The following RAB6B variants were observed in gnomAD, a reference collection of about 807,000 sequenced individuals.
RAB6B encodes ras-related protein Rab-6B.
Under a neutral mutation model 31.2 loss-of-function variants are expected in RAB6B, and 7 were observed. That is an observed-to-expected ratio of 0.22 (90% CI 0.13 to 0.42). The LOEUF is 0.42. Among genes scored for constraint, RAB6B ranks in the 10% least tolerant of loss-of-function variants. The probability of loss-of-function intolerance (pLI) is 1.00; values close to 1 mark genes in which losing one functional copy is unlikely to be tolerated. For missense variants in RAB6B, 149 were observed against 280.6 expected (o/e 0.53, Z 3.35); for synonymous variants, 105 against 104.9 (o/e 1.00, Z -0.01).
In RAB6B at chr3:133,825,259, TTTA is replaced by T. The variant is rs1431556376; in HGVS notation, c.*3526_*3528del. On this transcript the variant is annotated 3_prime_UTR_variant, in exon 8 of 8. Transcript: ENST00000285208. ...ATGCTGAAGCCAGGAGGGCCATCCC[TTTA>T]TTGTCACAACTGGTATCCCAGGGCA... is the stretch of plus-strand genomic sequence containing the variant. 1 of 152,188 alleles carries T rather than the reference TTTA, an allele frequency of 6.6e-6. No individual in the cohort carries two copies. The highest frequency in any genetic ancestry group is 2.4e-5 in the African/African-American group (1 of 41,444). The allele number at this position is 152,188 out of a possible 1,614,324, so 9.4% of individuals were successfully genotyped here. A position where few individuals can be genotyped will look rare whatever the true frequency, so the allele number is the denominator to read the frequency against.
intron 7 of RAB6B, among the ~76,000 whole-genome samples, chr3:133,829,631 T>C (rs1222250940): frequency 1.3e-5 from 2 of 151,944 alleles, no homozygotes; most frequent in Admixed American, 1.3e-4. Flanking sequence ...AAGACAGGGG[T>C]GTGTGGGGTG....
chr3:133,869,103 C>T (rs1209222842), intron 1 of RAB6B, among the ~76,000 whole-genome samples: 1 of 152,050 alleles, frequency 6.6e-6, no homozygotes, highest in African/African-American at 2.4e-5. Flanking sequence ...CTGGGAAAGG[C>T]TGTGGGTGGG....
chr3:133,850,775 AC>A (rs756906705), intron 2 of RAB6B, among the ~76,000 whole-genome samples: 10 of 152,160 alleles, frequency 6.6e-5, no homozygotes, highest in Non-Finnish European at 1.2e-4. Context: ...GCAAAATGAG[AC>A]ACATTTACAG....
At chr3:133,828,906 C>T (rs749591613) in intron 7 of RAB6B, 54 bp from the exon 8 acceptor site, 3 of 1,486,662 alleles carry the variant, frequency 2.0e-6, no homozygotes, top group Non-Finnish European at 2.8e-6. Context: ...TGCCACCCCA[C>T]TTAGCCCTGT....
Position 133,838,262 on chromosome 3 carries a change from A to G in RAB6B, c.402-3T>C, listed in dbSNP as rs752961421. 1 of 1,613,304 alleles carries G rather than the reference A, an allele frequency of 6.2e-7. No homozygotes were observed. The highest frequency in any genetic ancestry group is 1.7e-5 in the Admixed American group (1 of 60,024). On this transcript the variant is annotated splice_region_variant and splice_polypyrimidine_tract_variant and intron_variant, in intron 5 of 7. Transcript: ENST00000285208. ...CCCCCTCCTCGATGGTTATCTGCCTAGAGATGAGGGGAAGGGGGGAAATCA... is the reference window on the plus strand; with the variant it reads ...CCCCCTCCTCGATGGTTATCTGCCTGGAGATGAGGGGAAGGGGGGAAATCA...
intron 1 of RAB6B, among the ~76,000 whole-genome samples, chr3:133,865,318 C>T (rs1936222258): frequency 6.6e-6 from 1 of 152,352 alleles, no homozygotes; most frequent in Admixed American, 6.5e-5. Context: ...GGGGCAGTGA[C>T]ACCCCAACTG....
rs1248515298 is a variant in RAB6B at position 133,825,709 on chromosome 3, G to C, written c.*3079C>G. 1 of 152,206 alleles carries C rather than the reference G, an allele frequency of 6.6e-6. No homozygotes were observed. 9.4% of individuals were successfully genotyped at this position (152,206 alleles called of 1,614,324 possible). ...ACACTCAACTTTCCTGATGCCTGCA[G>C]AACAGGAGCTTTGTTGATAAGCTTT... is the stretch of plus-strand genomic sequence containing the variant. On this transcript the variant is annotated 3_prime_UTR_variant, in exon 8 of 8. Coordinates refer to ENST00000285208, the MANE Select transcript of RAB6B (RefSeq NM_016577.4).
chr3:133,871,996 C>T (rs748753852), intron 1 of RAB6B, among the ~76,000 whole-genome samples: 1 of 152,194 alleles, frequency 6.6e-6, no homozygotes, highest in Non-Finnish European at 1.5e-5. Flanking sequence ...ACAGATGTGG[C>T]ATAACTCACT....
chr3:133,865,108 GCTTT>G (rs145740666), intron 1 of RAB6B, among the ~76,000 whole-genome samples: 73 of 152,336 alleles, frequency 4.8e-4, no homozygotes, highest in African/African-American at 1.7e-3. Context: ...GGGGACAGTG[GCTTT>G]CTAAGGAACC....
intron 1 of RAB6B, among the ~76,000 whole-genome samples, chr3:133,881,783 G>C (rs1358177204): frequency 6.6e-6 from 1 of 152,178 alleles, no homozygotes; most frequent in Non-Finnish European, 1.5e-5. Flanking sequence ...TACTTAACCT[G>C]ACAGGTCTCA....
chr3:133,845,204 T>A (rs1935891222), intron 2 of RAB6B, among the ~76,000 whole-genome samples: 1 of 152,192 alleles, frequency 6.6e-6, no homozygotes, highest in African/African-American at 2.4e-5. Context: ...TCTGAATGTG[T>A]CCCCTGTAAC....
intron 2 of RAB6B, among the ~76,000 whole-genome samples, chr3:133,847,772 C>T (rs900119343): frequency 6.6e-6 from 1 of 152,210 alleles, no homozygotes; most frequent in Non-Finnish European, 1.5e-5. Flanking sequence ...CTGTATAGTC[C>T]AGACTCAACA....
At chr3:133,861,326 G>C (rs1936157915) in intron 2 of RAB6B, among the ~76,000 whole-genome samples, 1 of 152,208 alleles carries the variant, frequency 6.6e-6, no homozygotes, top group Non-Finnish European at 1.5e-5. Flanking sequence ...GCAGGGTGTT[G>C]AGAGGCCAGA....
chr3:133,843,925 G>T (rs1288959724), intron 2 of RAB6B, among the ~76,000 whole-genome samples: 2 of 152,192 alleles, frequency 1.3e-5, no homozygotes, highest in East Asian at 3.8e-4. Flanking sequence ...AGCAGCGCTG[G>T]ACTGCTCAGA....
rs542890525 is a variant in RAB6B at position 133,832,239 on chromosome 3, G to A, written c.562+2336C>T. ...GGGGTTGTGTATGTAGAACCAGTAA[G>A]GGGCTTATGGCTCTACCATTTGGTG... is the stretch of plus-strand genomic sequence containing the variant. On this transcript the variant is annotated intron_variant, in intron 7 of 7. Transcript: ENST00000285208. 2.0e-5 allele frequency among the ~76,000 whole-genome samples: 3 copies of A among 152,290 alleles called. No individual in the cohort carries two copies. The East Asian group carries it at 5.8e-4, about 29-fold the overall frequency.
chr3:133,834,448 G>T (rs892630446), intron 7 of RAB6B, 127 bp downstream of exon 7: 2 of 1,008,210 alleles, frequency 2.0e-6, no homozygotes, highest in Non-Finnish European at 3.1e-6. Flanking sequence ...GAGGCCCCGT[G>T]CCATTCGCGG....
At chr3:133,859,869 C>T (rs1936134704) in intron 2 of RAB6B, among the ~76,000 whole-genome samples, 1 of 152,196 alleles carries the variant, frequency 6.6e-6, no homozygotes, top group Non-Finnish European at 1.5e-5. Context: ...CCAGGAAACA[C>T]TCATATTTAT....
At chr3:133,835,708 G>A (rs1029749622) in intron 6 of RAB6B, among the ~76,000 whole-genome samples, 4 of 152,094 alleles carry the variant, frequency 2.6e-5, no homozygotes, top group Non-Finnish European at 5.9e-5. Flanking sequence ...TGGGGCTTTA[G>A]GAGGTGCTTA....
At chr3:133,864,816 C>T (rs112853326) in intron 1 of RAB6B, among the ~76,000 whole-genome samples, 174 bp from the exon 2 acceptor site, 12 of 152,224 alleles carry the variant, frequency 7.9e-5, no homozygotes, top group Non-Finnish European at 1.0e-4. Context: ...GTGAGGCCAC[C>T]GAGTCTCTAT....
Sources: gnomAD v4.1 joint callset for allele counts (sites outside exome capture counted in the v4.1 genomes callset) on GRCh38, gnomAD v4.1.1 for gene constraint, MANE v1.5 for transcripts, NCBI Gene and HGNC (gene_info 2026-07-23, HGNC 2026-07-21) for gene names.